The following ZNF385D variants were observed in gnomAD, a reference collection of about 807,000 sequenced individuals.
ZNF385D encodes zinc finger protein 385D.
ZNF385D carries 15 observed loss-of-function variants against 35.8 expected under a neutral mutation model. That is an observed-to-expected ratio of 0.42 (90% CI 0.28 to 0.64). The LOEUF (loss-of-function observed/expected upper bound fraction) is 0.64, where lower values mean the gene tolerates loss of function less well. Ranked by LOEUF, ZNF385D falls within the 30% of genes least tolerant of loss-of-function variation. ZNF385D has a pLI of 0.23. For synonymous variants in ZNF385D, 212 were observed against 186.8 expected (o/e 1.13, Z -1.10); for missense variants, 474 against 494.6 (o/e 0.96, Z 0.39).
chr3:22,038,396 T>C lies in ZNF385D; in HGVS notation c.325+130421A>G, dbSNP rs185704255. 1.2e-3 allele frequency among the ~76,000 whole-genome samples: 177 copies of C among 152,296 alleles called. 2 individuals carry two copies. Among genetic ancestry groups the C allele is most frequent in the Admixed American group, 3.6e-3 (55 of 15,286 alleles). On this transcript the variant is annotated intron_variant, in intron 3 of 5. Transcript: ENST00000494108. ...ATGTCCTTGGACTTGTTACCTAATT[T>C]TTCTTGGCCTCAGTTACTTCAGTAG...
At chr3:21,452,929 G>T (rs73044422) in intron 4 of ZNF385D, among the ~76,000 whole-genome samples, 3 of 151,478 alleles carry the variant, frequency 2.0e-5, no homozygotes, top group Admixed American at 2.0e-4. Context: ...TAAAGTTAGA[G>T]GATTCGAGAA....
chr3:22,091,073 CAGAGAAT>C (rs1701308636), intron 3 of ZNF385D, among the ~76,000 whole-genome samples: 1 of 152,070 alleles, frequency 6.6e-6, no homozygotes, highest in Non-Finnish European at 1.5e-5. Context: ...GGCCAAGAAG[CAGAGAAT>C]ATAACACTAG....
intron 2 of ZNF385D, among the ~76,000 whole-genome samples, chr3:22,181,815 A>G (rs1315556071): frequency 2.6e-5 from 4 of 152,218 alleles, no homozygotes; most frequent in Non-Finnish European, 5.9e-5. Context: ...TTAAAGAAGC[A>G]AGCTGCCAAA....
chr3:21,659,185 A>T (rs1218919005), intron 2 of ZNF385D, among the ~76,000 whole-genome samples: 1 of 152,088 alleles, frequency 6.6e-6, no homozygotes, highest in Non-Finnish European at 1.5e-5. Flanking sequence ...CAGTAAGTGA[A>T]TCAGTAAAAA....
At chr3:21,677,443 C>T (rs761880537) in intron 1 of ZNF385D, among the ~76,000 whole-genome samples, 3 of 152,044 alleles carry the variant, frequency 2.0e-5, no homozygotes, top group African/African-American at 7.2e-5. Flanking sequence ...TCAACTCAGG[C>T]TGAGCCAGAA....
chr3:21,664,478 T>C (rs992087749), intron 2 of ZNF385D, among the ~76,000 whole-genome samples: 14 of 152,276 alleles, frequency 9.2e-5, no homozygotes, highest in African/African-American at 3.1e-4. Flanking sequence ...ATTTATTAAG[T>C]TAGAAAAACG....
chr3:21,554,460 G>T (rs1439730969), intron 3 of ZNF385D, among the ~76,000 whole-genome samples: 1 of 152,144 alleles, frequency 6.6e-6, no homozygotes, highest in African/African-American at 2.4e-5. Context: ...CACAGGCAGA[G>T]ATGATTTAGT....
rs377604824 is a variant in ZNF385D, at chr3:22,288,136, G to A, written c.106+84314C>T. ...AAAAAAAATCCACTAATAGTTTTAC[G>A]GAAGTTTCCTTGTATGTAACAAGTA... On this transcript the variant is annotated intron_variant, in intron 2 of 5. Transcript: ENST00000494108. Among the ~76,000 whole-genome samples, 28 of 151,888 alleles carry A rather than the reference G, an allele frequency of 1.8e-4. No individual in the cohort carries two copies. The East Asian group carries it at 3.7e-3, about 20-fold the overall frequency.
At chr3:21,728,401 T>C (rs139757471) in intron 1 of ZNF385D, among the ~76,000 whole-genome samples, 1 of 152,214 alleles carries the variant, frequency 6.6e-6, no homozygotes, top group Non-Finnish European at 1.5e-5. Context: ...TTTAACGTTT[T>C]ACCAGAACAC....
At chr3:21,696,940 T>C (rs779764816) in intron 1 of ZNF385D, among the ~76,000 whole-genome samples, 1 of 152,234 alleles carries the variant, frequency 6.6e-6, no homozygotes, top group Non-Finnish European at 1.5e-5. Flanking sequence ...TTTGTTTTAA[T>C]ATTATTTAAA....
chr3:21,657,873 G>C (rs1346604559), intron 2 of ZNF385D, among the ~76,000 whole-genome samples: 2 of 151,938 alleles, frequency 1.3e-5, no homozygotes, highest in Non-Finnish European at 2.9e-5. Flanking sequence ...AGGGAAAGAA[G>C]GCATTTCCGT....
intron 1 of ZNF385D, among the ~76,000 whole-genome samples, chr3:21,722,059 C>T (rs2068563603): frequency 6.8e-6 from 1 of 147,862 alleles, no homozygotes. Context: ...AAGATCGTGC[C>T]ACTGCACTCC....
intron 2 of ZNF385D, among the ~76,000 whole-genome samples, chr3:22,297,362 T>C (rs1369464122): frequency 6.6e-6 from 1 of 152,126 alleles, no homozygotes; most frequent in African/African-American, 2.4e-5. Flanking sequence ...GACCTCTGCC[T>C]TTGGGAGGAC....
At chr3:21,750,025 T>G (rs1342250123) in intron 1 of ZNF385D, among the ~76,000 whole-genome samples, 1 of 152,246 alleles carries the variant, frequency 6.6e-6, no homozygotes, top group Non-Finnish European at 1.5e-5. Context: ...TGCCCTTAAA[T>G]GATGACGCCA....
intron 2 of ZNF385D, among the ~76,000 whole-genome samples, chr3:21,577,984 A>G (rs930457416): frequency 6.6e-6 from 1 of 150,562 alleles, no homozygotes; most frequent in African/African-American, 2.4e-5. Flanking sequence ...TAATTTTTTA[A>G]ATTTTTTCTT....
chr3:22,198,949 A>G (rs1309473104), intron 2 of ZNF385D, among the ~76,000 whole-genome samples: 2 of 152,128 alleles, frequency 1.3e-5, no homozygotes, highest in African/African-American at 2.4e-5. Flanking sequence ...GTACATTTCA[A>G]TAAGTCTGTC....
intron 3 of ZNF385D, among the ~76,000 whole-genome samples, chr3:21,562,678 T>A (rs1482267900): frequency 6.6e-6 from 1 of 152,218 alleles, no homozygotes. Context: ...GATCAGTTTC[T>A]AAGTGAAATA....
At chr3:21,976,095 G>T (rs532802382) in intron 3 of ZNF385D, among the ~76,000 whole-genome samples, 3 of 152,130 alleles carry the variant, frequency 2.0e-5, no homozygotes, top group African/African-American at 7.2e-5. Context: ...AAAACTAGAG[G>T]GATCCTGAAC....
rs1384525762 is a variant in ZNF385D, at chr3:21,646,885, G to T, written c.165+18001C>A. 1.3e-5 allele frequency among the ~76,000 whole-genome samples: 2 copies of T among 152,248 alleles called. No homozygotes were observed. Among genetic ancestry groups the T allele is most frequent in the South Asian group, 2.1e-4 (1 of 4,822 alleles). ...CAGCCCCTCTCTGTCTGATGCTAAG[G>T]CTCAATGAAATCAAGGCCAGACAGA... On this transcript the variant is annotated intron_variant, in intron 2 of 7. Coordinates refer to ENST00000281523, the MANE Select transcript of ZNF385D (RefSeq NM_024697.3). The surrounding 1 kb of genome is among the most constrained non-coding windows in gnomAD (Gnocchi z 4.3).
Sources: allele counts gnomAD v4.1 joint callset (sites outside exome capture counted in the v4.1 genomes callset), GRCh38; gene constraint gnomAD v4.1.1; non-coding constraint Gnocchi (gnomAD v3.1); transcripts MANE v1.5; gene names NCBI Gene and HGNC (gene_info 2026-07-23, HGNC 2026-07-21).